Variants in SP4 observed in about 807,000 individuals in gnomAD.
The protein encoded by SP4 is transcription factor Sp4.
A neutral mutation model predicts 72.8 loss-of-function variants in SP4; 19 were observed. The ratio of observed to expected loss-of-function variants is 0.26; its 90% CI spans 0.18 to 0.38. The LOEUF (loss-of-function observed/expected upper bound fraction) is 0.38, where lower values mean the gene tolerates loss of function less well. SP4 is among the 10% of genes least tolerant of loss of function. SP4 has a pLI of 1.00. For synonymous variants in SP4, 395 were observed against 333.1 expected (o/e 1.19, Z -2.02); for missense variants, 1,008 against 926.3 (o/e 1.09, Z -1.14).
intron 5 of SP4, among the ~76,000 whole-genome samples, chr7:21,492,378 C>CT (rs1296317481): frequency 6.6e-6 from 1 of 152,164 alleles, no homozygotes; most frequent in Non-Finnish European, 1.5e-5. Context: ...TTGATAATCT[C>CT]TAATTCACAG....
In SP4 at chr7:21,442,025, TGTGTGTGTGTGTA is replaced by T. The variant is rs1192748974; in HGVS notation, c.1678+11183_1678+11195del. Among the ~76,000 whole-genome samples, 52 of 127,532 alleles carry T rather than the reference TGTGTGTGTGTGTA, an allele frequency of 4.1e-4. No homozygotes were observed. The East Asian group carries it at 9.6e-3, about 23-fold the overall frequency. 83.7% of individuals were successfully genotyped at this position (127,532 alleles called of 152,430 possible). A position where few individuals can be genotyped will look rare whatever the true frequency, so the allele number is the denominator to read the frequency against. On this transcript the variant is annotated intron_variant, in intron 3 of 5. Coordinates refer to ENST00000222584, the MANE Select transcript of SP4 (RefSeq NM_003112.5). The stretch of plus-strand genomic sequence containing the variant: ...GTGTGTTTGTGTGTGTGTGTGTGTG[TGTGTGTGTGTGTA>T]TTTTTTTTTTTTTTTTTTGAAACGG...
At chr7:21,442,678 A>G (rs571931912) in intron 3 of SP4, among the ~76,000 whole-genome samples, 1 of 152,314 alleles carries the variant, frequency 6.6e-6, no homozygotes, top group Non-Finnish European at 1.5e-5. Context: ...AAGGAAGAAA[A>G]GGGCCACTTC....
intron 3 of SP4, among the ~76,000 whole-genome samples, chr7:21,446,168 G>A (rs1783420929): frequency 6.6e-6 from 1 of 151,916 alleles, no homozygotes; most frequent in Admixed American, 6.6e-5. Context: ...CACCTTCCTT[G>A]TTCTCCCGCA....
rs541943749 is a variant in SP4, at chr7:21,512,562, C to CTTTTTT, written c.*1305_*1310dup. ...ATGCAAGGGTCTTACAGGAAAGGGTCTTTTTTTTTTTTTTTTTGAGATGGA... is the reference window on the plus strand; with the variant it reads ...ATGCAAGGGTCTTACAGGAAAGGGTCTTTTTTTTTTTTTTTTTTTTTTTGAGATGGA... On this transcript the variant is annotated 3_prime_UTR_variant, in exon 6 of 6. Transcript: ENST00000222584. 1 of 133,632 alleles carries CTTTTTT rather than the reference C, an allele frequency of 7.5e-6. No homozygotes were observed. Among genetic ancestry groups the CTTTTTT allele is most frequent in the African/African-American group, 2.8e-5 (1 of 36,310 alleles). The allele number at this position is 133,632 out of a possible 1,614,324, so 8.3% of individuals were successfully genotyped here. A position where few individuals can be genotyped will look rare whatever the true frequency, so the allele number is the denominator to read the frequency against.
chr7:21,477,699 C>G (rs769899322), intron 4 of SP4, among the ~76,000 whole-genome samples: 3 of 152,008 alleles, frequency 2.0e-5, no homozygotes, highest in Non-Finnish European at 4.4e-5. Flanking sequence ...CGCCACCACA[C>G]CCGGCTAGTT....
chr7:21,450,897 A>AT (rs540671624), intron 3 of SP4, among the ~76,000 whole-genome samples: 243 of 152,324 alleles, frequency 1.6e-3, no homozygotes, highest in African/African-American at 5.5e-3. Context: ...AAGTTTATTA[A>AT]AAAGTTTTAG....
chr7:21,457,358 A>T (rs1279857293), intron 3 of SP4, among the ~76,000 whole-genome samples: 5 of 152,164 alleles, frequency 3.3e-5, no homozygotes, highest in African/African-American at 1.2e-4. Context: ...ATGGTTCGTT[A>T]TACTACCTCT....
chr7:21,496,653 T>G (rs76049261), intron 5 of SP4, among the ~76,000 whole-genome samples: 4,835 of 152,326 alleles, frequency 0.032, 132 homozygotes, highest in African/African-American at 0.073. Context: ...TCATTGAGCT[T>G]CTTGGATATG....
In SP4 at chr7:21,482,048, A is replaced by G. The variant is rs1784702966; in HGVS notation, c.2032A>G (p.Ile678Val). ...LRWHTGERPF[I>V]CNWMFCGKRF... is the part of the protein sequence containing the mutation. ...CTGGCATACTGGAGAAAGACCTTTT[A>G]TATGCAACTGGATGTTTTGTGGCAA... is the stretch of plus-strand genomic sequence containing the variant. Residue 678 changes from isoleucine to valine, a missense_variant, in exon 5 of 6, where the codon ATA becomes GTA. By Grantham distance (29) the Ile-to-Val change is conservative. Transcript: ENST00000222584. The G allele has an allele frequency of 1.9e-6, 3 of 1,614,056 alleles. No homozygotes were observed. The highest frequency in any genetic ancestry group is 2.5e-6 in the Non-Finnish European group (3 of 1,179,932).
Position 21,429,653 on chromosome 7 carries a change from T to C in SP4, c.488T>C (p.Val163Ala). ...CAAGTACAAAATCCAAGTGGTAGTG[T>C]ACAGTACCAAGTAATTCCACAACTT... ...VIQVQNPSGS[V>A]QYQVIPQLQT... is the part of the protein sequence containing the mutation. The change falls in exon 3 of 6, where the codon GTA becomes GCA. Residue 163 changes from valine to alanine, a missense_variant. Transcript: ENST00000222584. 1 of 1,614,136 alleles carries C rather than the reference T, an allele frequency of 6.2e-7. No homozygotes were observed. Among genetic ancestry groups the C allele is most frequent in the Non-Finnish European group, 8.5e-7 (1 of 1,179,964 alleles).
chr7:21,476,791 G>A (rs1165489744), intron 3 of SP4, among the ~76,000 whole-genome samples: 1 of 152,102 alleles, frequency 6.6e-6, no homozygotes, highest in Non-Finnish European at 1.5e-5. Context: ...GTAGGTAAGT[G>A]GCAAGTATTA....
chr7:21,483,499 T>C (rs1784741318), intron 5 of SP4, among the ~76,000 whole-genome samples: 1 of 151,962 alleles, frequency 6.6e-6, no homozygotes, highest in Non-Finnish European at 1.5e-5. Flanking sequence ...AGTTTTATTT[T>C]TGTAAGTTTG....
At chr7:21,480,206 A>G (rs1023187249) in intron 4 of SP4, among the ~76,000 whole-genome samples, 2 of 152,042 alleles carry the variant, frequency 1.3e-5, no homozygotes, top group Non-Finnish European at 2.9e-5. Flanking sequence ...TTCATAAGAG[A>G]GATGTCTGTG....
chr7:21,481,947 A>G lies in SP4; in HGVS notation c.1931A>G (p.Lys644Arg). The stretch of plus-strand genomic sequence containing the variant: ...AGAGGCAGTAATGAACCAGGAAAAA[A>G]GAAGCAGCATATCTGTCATATTGAA... The part of the protein sequence containing the change: ...EGRGSNEPGK[K>R]KQHICHIEGC... Residue 644 changes from lysine (K) to arginine (R), a missense_variant, in exon 5 of 6, where the codon AAG (lysine) becomes AGG (arginine). Physicochemically the swap from Lys to Arg is conservative, Grantham distance 26. Around this residue, in one of 3 missense-constraint regions of SP4, gnomAD observed 48 missense variants for 117.0 expected, o/e 0.41. Coordinates refer to ENST00000222584, the MANE Select transcript of SP4 (RefSeq NM_003112.5). The G allele has an allele frequency of 2.5e-6, 4 of 1,613,982 alleles. No homozygotes were observed. Among genetic ancestry groups the G allele is most frequent in the Non-Finnish European group, 3.4e-6 (4 of 1,179,864 alleles).
intron 5 of SP4, among the ~76,000 whole-genome samples, chr7:21,504,605 T>C (rs1299430177): frequency 1.3e-5 from 2 of 152,234 alleles, no homozygotes; most frequent in Non-Finnish European, 2.9e-5. Flanking sequence ...TAAGCAGTTC[T>C]GGTCTGATGT....
chr7:21,473,890 G>A (rs935309109), intron 3 of SP4, among the ~76,000 whole-genome samples: 2 of 152,118 alleles, frequency 1.3e-5, no homozygotes, highest in African/African-American at 4.8e-5. Flanking sequence ...ACTTAAGTGG[G>A]GCCTCGGAGG....
chr7:21,487,082 T>C lies in SP4; in HGVS notation c.2107+4959T>C, dbSNP rs574385617. On this transcript the variant is annotated intron_variant, in intron 5 of 5. Coordinates refer to ENST00000222584, the MANE Select transcript of SP4 (RefSeq NM_003112.5). The stretch of plus-strand genomic sequence containing the variant: ...ATGCAATCATTTATTTACATTGGTA[T>C]GGTCTCATGAGTAGTTCTTTTGTTC... Among the ~76,000 whole-genome samples, 16 of 152,348 alleles carry C rather than the reference T, an allele frequency of 1.1e-4. No homozygotes were observed. The South Asian group carries it at 2.3e-3, about 22-fold the overall frequency.
At chr7:21,454,083 G>A in intron 3 of SP4, among the ~76,000 whole-genome samples, 1 of 152,140 alleles carries the variant, frequency 6.6e-6, no homozygotes, top group Admixed American at 6.5e-5. Flanking sequence ...ACTCTTAGCA[G>A]CTTTTACTTT....
chr7:21,469,210 T>A (rs1298384110), intron 3 of SP4, among the ~76,000 whole-genome samples: 2 of 151,188 alleles, frequency 1.3e-5, no homozygotes, highest in African/African-American at 2.4e-5. Context: ...AACTTAGAAG[T>A]ACTTATATTA....
Sources: gnomAD v4.1 joint callset for allele counts (sites outside exome capture counted in the v4.1 genomes callset) on GRCh38, gnomAD v4.1.1 for gene constraint, gnomAD v4.1.1 regional missense constraint, MANE v1.5 for transcripts, NCBI Gene and HGNC (gene_info 2026-07-23, HGNC 2026-07-21) for gene names.